The following POLR1C variants were observed in gnomAD, a reference collection of about 807,000 sequenced individuals.
The protein encoded by POLR1C is DNA-directed RNA polymerases I and III subunit RPAC1.
Under a neutral mutation model 38.3 loss-of-function variants are expected in POLR1C, and 42 were observed. The observed-to-expected ratio is 1.10, with a 90% CI of 0.86 to 1.42. POLR1C has a LOEUF of 1.42. POLR1C is among the 40% of genes most tolerant of loss of function. POLR1C has a pLI of 0.00. For missense variants in POLR1C, 507 were observed against 450.5 expected, an observed-to-expected ratio of 1.13 and a Z score of -1.14; for synonymous variants, 163 against 163.9, an observed-to-expected ratio of 0.99 and a Z score of 0.04.
At chr6:43,549,630 G>C in intron 9 of POLR1C, 1 of 1,572,318 alleles carries the variant, frequency 6.4e-7, no homozygotes, top group Non-Finnish European at 8.7e-7. Flanking sequence ...TAATATACAG[G>C]TGCTGCATAG....
At chr6:43,531,598 A>G (rs772823582), downstream of POLR1C, 4 of 1,591,036 alleles carry the variant, frequency 2.5e-6, no homozygotes, top group African/African-American at 4.0e-5. Flanking sequence ...ACGGGTCAAG[A>G]ACATGATGCT....
In POLR1C at chr6:43,520,306, G is replaced by A; in HGVS notation, c.534G>A (p.Leu178=). The A allele has an allele frequency of 1.9e-6, 3 of 1,613,020 alleles. No individual in the cohort carries two copies. The highest frequency in any genetic ancestry group is 2.5e-6 in the Non-Finnish European group (3 of 1,180,034). ...VYTRHMTWIP[L]GNQADLFPEG... is the part of the protein sequence containing the mutation. ...CCAGGCATATGACATGGATCCCCCTGGGGAACCAGGCTGATCTCTTTCCAG... is the reference window on the plus strand; with the variant it reads ...CCAGGCATATGACATGGATCCCCCTAGGGAACCAGGCTGATCTCTTTCCAG... Residue 178 remains leucine, a synonymous_variant, in exon 6 of 9, where the codon CTG becomes CTA. Coordinates refer to ENST00000642195, the MANE Select transcript of POLR1C (RefSeq NM_203290.4).
In POLR1C at chr6:43,558,523, C is replaced by T. The variant is rs753439099; in HGVS notation, c.*49-2877C>T. 60 of 1,603,654 alleles carry T rather than the reference C, an allele frequency of 3.7e-5. No individual in the cohort carries two copies. The highest frequency in any genetic ancestry group is 4.0e-5 in the Non-Finnish European group (47 of 1,175,490). On this transcript the variant is annotated intron_variant, in intron 10 of 10. Coordinates refer to the POLR1C transcript ENST00000607635. ...TACAGTTGAAGAAAGCATTGAAGTC[C>T]TCATCGCTATCAAAATCAAACCGAG...
In POLR1C at chr6:43,526,574, A is replaced by C. The variant is rs866846962; in HGVS notation, c.923-2675A>C. The C allele has an allele frequency of 2.4e-4, 295 of 1,209,268 alleles. 1 individual carries two copies. In the Middle Eastern group the frequency reaches 2.6e-3, roughly 11 times the overall value. 74.9% of individuals were successfully genotyped at this position (1,209,268 alleles called of 1,614,324 possible). ...GAGGGCTGGTCCAGAGATGATAACT[A>C]CATGTAGGGTGTCTTCTCCTCACCA... On this transcript the variant is annotated intron_variant, in intron 8 of 8. Coordinates refer to the POLR1C transcript ENST00000304004.
intron 9 of POLR1C, among the ~76,000 whole-genome samples, chr6:43,540,479 A>T (rs1794633799): frequency 6.6e-6 from 1 of 151,682 alleles, no homozygotes; most frequent in Non-Finnish European, 1.5e-5. Context: ...ACTCCGTCTC[A>T]AAATAAATAA....
intron 8 of POLR1C, chr6:43,528,930 T>C: frequency 1.2e-6 from 2 of 1,609,544 alleles, no homozygotes; most frequent in Non-Finnish European, 1.7e-6. Context: ...AGACACGTGC[T>C]GCAACAAGTT....
intron 9 of POLR1C, among the ~76,000 whole-genome samples, chr6:43,547,144 C>T (rs1392541341): frequency 2.0e-5 from 3 of 152,304 alleles, no homozygotes; most frequent in East Asian, 3.9e-4. Context: ...TCCCCCCTCA[C>T]GGTACTCTGA....
intron 6 of POLR1C, 86 bp from the exon 7 acceptor site, chr6:43,520,539 G>A: frequency 6.2e-7 from 1 of 1,601,846 alleles, no homozygotes; most frequent in South Asian, 1.1e-5. Flanking sequence ...CAAGAGGGTT[G>A]TGCTTTTGCT....
At position 43,527,671 on chromosome 6, in the gene POLR1C, C is replaced by A. The variant is rs368456733; in HGVS notation, c.923-1578C>A. The A allele has an allele frequency of 9.9e-6, 16 of 1,613,842 alleles. No individual in the cohort carries two copies. In the African/African-American group the frequency reaches 1.5e-4, roughly 15 times the overall value. Reference sequence around the variant, plus strand: ...TGACTTCTCGGGTTAACATCCTCACCAGTTGCTCCTCCAGCATCTCTTGAG... The same window carrying A: ...TGACTTCTCGGGTTAACATCCTCACAAGTTGCTCCTCCAGCATCTCTTGAG... On this transcript the variant is annotated intron_variant, in intron 8 of 8. Coordinates refer to the POLR1C transcript ENST00000304004.
chr6:43,542,511 G>A (rs1794750863), intron 9 of POLR1C, among the ~76,000 whole-genome samples: 1 of 152,054 alleles, frequency 6.6e-6, no homozygotes, highest in Admixed American at 6.6e-5. Context: ...CCAAGTTCAA[G>A]CGATTCTCCT....
chr6:43,551,574 G>T, intron 10 of POLR1C: 1 of 1,186,478 alleles, frequency 8.4e-7, no homozygotes, highest in Non-Finnish European at 1.2e-6. Context: ...CTAGGCTGGA[G>T]TGCACAGTGG....
chr6:43,553,697 T>A, intron 10 of POLR1C: 1 of 1,247,814 alleles, frequency 8.0e-7, no homozygotes. Flanking sequence ...AGCAATGAGG[T>A]AGGTGAAGGT....
intron 10 of POLR1C, among the ~76,000 whole-genome samples, chr6:43,558,079 G>A (rs1258768431): frequency 7.4e-5 from 11 of 149,468 alleles, no homozygotes; most frequent in African/African-American, 2.5e-4. Context: ...TGGGCAACAA[G>A]AGTGAAACTC....
chr6:43,530,064 G>A (rs949152521), downstream of POLR1C, among the ~76,000 whole-genome samples: 3 of 152,120 alleles, frequency 2.0e-5, no homozygotes, highest in Admixed American at 6.6e-5. Flanking sequence ...AGACCAGCCT[G>A]GCCAACATGG....
chr6:43,539,336 C>G (rs1355763231), intron 9 of POLR1C: 1 of 1,578,838 alleles, frequency 6.3e-7, no homozygotes, highest in African/African-American at 1.3e-5. Flanking sequence ...CGCCTTGAAC[C>G]TGGTGCGCTG....
At chr6:43,560,699 A>ACAAT (rs935692255) in intron 10 of POLR1C, among the ~76,000 whole-genome samples, 13 of 152,342 alleles carry the variant, frequency 8.5e-5, no homozygotes, top group African/African-American at 3.1e-4. Flanking sequence ...GTGACTGAGT[A>ACAAT]CAATCAGAAT....
At chr6:43,536,787 A>AAAAAAAAAAAG (rs1561869430) in intron 9 of POLR1C, among the ~76,000 whole-genome samples, 2 of 148,548 alleles carry the variant, frequency 1.3e-5, no homozygotes, top group African/African-American at 5.1e-5. Context: ...AAAAAAAAAA[A>AAAAAAAAAAAG]AAAGCAGCTT....
At chr6:43,524,623 G>A (rs1793429217), downstream of POLR1C, 1 of 1,613,902 alleles carries the variant, frequency 6.2e-7, no homozygotes, top group South Asian at 1.1e-5. Context: ...CTTATCTCCA[G>A]GTACCTGGGG....
chr6:43,521,368 C>G lies in POLR1C; in HGVS notation c.*68C>G. The G allele has an allele frequency of 6.2e-7, 1 of 1,609,974 alleles. No individual in the cohort carries two copies. The highest frequency in any genetic ancestry group is 1.1e-5 in the South Asian group (1 of 90,392). Reference sequence around the variant, plus strand: ...TGACCCACCCTACAGGACTGCTGAACAGAGAGCCCAGTGTGACTAGGGATC... The same window carrying G: ...TGACCCACCCTACAGGACTGCTGAAGAGAGAGCCCAGTGTGACTAGGGATC... On this transcript the variant is annotated 3_prime_UTR_variant, in exon 9 of 9. Transcript: ENST00000642195.
Sources: gnomAD v4.1 joint callset for allele counts (sites outside exome capture counted in the v4.1 genomes callset) on GRCh38, gnomAD v4.1.1 for gene constraint, MANE v1.5 for transcripts, NCBI Gene and HGNC (gene_info 2026-07-23, HGNC 2026-07-21) for gene names.